Variants in TCF7L2 observed in about 807,000 individuals in gnomAD.
The protein encoded by TCF7L2 is transcription factor 7-like 2.
Under a neutral mutation model 77.9 loss-of-function variants are expected in TCF7L2, and 23 were observed. The ratio of observed to expected loss-of-function variants is 0.30; its 90% CI spans 0.21 to 0.42. The LOEUF (loss-of-function observed/expected upper bound fraction) is 0.42. TCF7L2 is among the 10% of genes least tolerant of loss of function. The pLI is 1.00. For synonymous variants in TCF7L2, 413 were observed against 340.2 expected (o/e 1.21, Z -2.36); for missense variants, 654 against 793.1 (o/e 0.82, Z 2.11).
chr10:113,008,368 C>T (rs1290666232), intron 4 of TCF7L2, among the ~76,000 whole-genome samples: 1 of 152,162 alleles, frequency 6.6e-6, no homozygotes, highest in African/African-American at 2.4e-5. Flanking sequence ...CTCTCAGTGC[C>T]CCCAGATACA....
intron 5 of TCF7L2, among the ~76,000 whole-genome samples, chr10:113,057,724 C>T (rs1040612656): frequency 6.6e-6 from 1 of 152,152 alleles, no homozygotes; most frequent in African/African-American, 2.4e-5. Context: ...TTCCATTTTA[C>T]GGATGAAGAG....
At chr10:113,154,355 C>G (rs2071398982) in intron 11 of TCF7L2, among the ~76,000 whole-genome samples, 1 of 152,182 alleles carries the variant, frequency 6.6e-6, no homozygotes, top group Non-Finnish European at 1.5e-5. Context: ...GAGCTTCTAC[C>G]TGCTACAGAC....
chr10:113,089,611 C>A, intron 5 of TCF7L2: 1 of 1,572,542 alleles, frequency 6.4e-7, no homozygotes, highest in Non-Finnish European at 8.6e-7. Context: ...CCAAAGTTTA[C>A]CTCTCTCTAG....
intron 11 of TCF7L2, 147 bp downstream of exon 11, chr10:113,152,587 G>A (rs1433824960): frequency 1.6e-6 from 1 of 634,230 alleles, no homozygotes; most frequent in Non-Finnish European, 2.7e-6. Flanking sequence ...GCATCTTCCT[G>A]GATCGCTAAA....
intron 4 of TCF7L2, among the ~76,000 whole-genome samples, chr10:113,031,155 T>C (rs958779122): frequency 5.3e-5 from 8 of 152,242 alleles, no homozygotes. Context: ...TCACTTAGTT[T>C]TCTGTGCCTC....
At position 113,014,454 on chromosome 10, in the gene TCF7L2, T is replaced by C. The variant is rs1385168178; in HGVS notation, c.451-25571T>C. On this transcript the variant is annotated intron_variant, in intron 4 of 13. Transcript: ENST00000627217. ...TTGGGAGCTTTATTGGTTGATTATG[T>C]CAATGTGAGAATTCAGGAAGCCCAG... Among the ~76,000 whole-genome samples, 46 of 152,172 alleles carry C rather than the reference T, an allele frequency of 3.0e-4. 2 individuals carry two copies. Among genetic ancestry groups the C allele is most frequent in the Non-Finnish European group, 7.3e-5 (5 of 68,040 alleles).
intron 5 of TCF7L2, among the ~76,000 whole-genome samples, chr10:113,070,772 A>G (rs2057896639): frequency 6.6e-6 from 1 of 152,216 alleles, no homozygotes; most frequent in South Asian, 2.1e-4. Flanking sequence ...TTAAAAAATT[A>G]TACAGTTATT....
chr10:113,118,243 T>C (rs1017954001), intron 5 of TCF7L2, among the ~76,000 whole-genome samples: 30 of 152,238 alleles, frequency 2.0e-4, no homozygotes, highest in Non-Finnish European at 2.1e-4. Flanking sequence ...GTGAAGCACA[T>C]TGGGCAGATG....
At chr10:112,959,097 G>A (rs2034416232) in intron 3 of TCF7L2, among the ~76,000 whole-genome samples, 2 of 151,840 alleles carry the variant, frequency 1.3e-5, no homozygotes. Context: ...TTTTGACGTT[G>A]AAAGAAAATC....
intron 5 of TCF7L2, among the ~76,000 whole-genome samples, chr10:113,050,666 C>T (rs1044487703): frequency 2.0e-5 from 3 of 152,126 alleles, no homozygotes; most frequent in African/African-American, 7.2e-5. Context: ...GTAGCAGCCC[C>T]CTTCAGCCAA....
intron 5 of TCF7L2, among the ~76,000 whole-genome samples, chr10:113,084,899 C>G (rs1482767347): frequency 6.7e-6 from 1 of 149,284 alleles, no homozygotes; most frequent in East Asian, 2.0e-4. Flanking sequence ...CTGTCTCAAG[C>G]CACCCCCCCC....
At chr10:113,069,292 C>T (rs952741766) in intron 5 of TCF7L2, among the ~76,000 whole-genome samples, 2 of 151,516 alleles carry the variant, frequency 1.3e-5, no homozygotes, top group African/African-American at 4.9e-5. Flanking sequence ...TGCCGTGGTG[C>T]AATCTCAGCT....
chr10:112,984,006 G>A (rs1016544003), intron 4 of TCF7L2, among the ~76,000 whole-genome samples: 6 of 152,166 alleles, frequency 3.9e-5, no homozygotes, highest in South Asian at 2.1e-4. Flanking sequence ...GAAAACAACC[G>A]TTGTTTTCTT....
At chr10:113,012,780 G>T (rs1002539455) in intron 4 of TCF7L2, among the ~76,000 whole-genome samples, 4 of 151,996 alleles carry the variant, frequency 2.6e-5, no homozygotes, top group Admixed American at 1.3e-4. Flanking sequence ...CATATTTTGG[G>T]GTTATCTTAA....
At chr10:113,036,595 A>G (rs1156738018) in intron 4 of TCF7L2, among the ~76,000 whole-genome samples, 1 of 152,182 alleles carries the variant, frequency 6.6e-6, no homozygotes, top group Admixed American at 6.5e-5. Flanking sequence ...TGATTTGGGG[A>G]AAAACCCTAA....
At chr10:112,981,811 G>C (rs564259579) in intron 4 of TCF7L2, among the ~76,000 whole-genome samples, 56 of 152,306 alleles carry the variant, frequency 3.7e-4, no homozygotes, top group Non-Finnish European at 6.5e-4. Flanking sequence ...GTCATGGTTT[G>C]TGGTTTCCTT....
chr10:113,123,455 C>T (rs1191306613), intron 5 of TCF7L2, among the ~76,000 whole-genome samples: 2 of 152,192 alleles, frequency 1.3e-5, no homozygotes, highest in Non-Finnish European at 2.9e-5. Flanking sequence ...TGTGTTTACA[C>T]ATGTCTGAGT....
intron 3 of TCF7L2, among the ~76,000 whole-genome samples, chr10:112,955,238 A>G (rs912335518): frequency 3.3e-5 from 5 of 152,202 alleles, no homozygotes; most frequent in Non-Finnish European, 7.3e-5. Flanking sequence ...TATCGCCCTG[A>G]AAAAGAACAG....
rs192840982 is a variant in TCF7L2, at chr10:112,983,440, A to G, written c.450+18816A>G. Among the ~76,000 whole-genome samples the G allele has an allele frequency of 3.0e-3, 459 of 152,186 alleles. 3 individuals carry two copies. Among genetic ancestry groups the G allele is most frequent in the African/African-American group, 0.01 (430 of 41,528 alleles). ...CAGTGAGCCGAGATCGCGCCACTGCACTCCAGCCTGGGCGACAGAGCGAGA... is the reference window on the plus strand; with the variant it reads ...CAGTGAGCCGAGATCGCGCCACTGCGCTCCAGCCTGGGCGACAGAGCGAGA... On this transcript the variant is annotated intron_variant, in intron 4 of 13. Transcript: ENST00000627217.
Sources: gnomAD v4.1 joint callset for allele counts (sites outside exome capture counted in the v4.1 genomes callset) on GRCh38, gnomAD v4.1.1 for gene constraint, MANE v1.5 for transcripts, NCBI Gene and HGNC (gene_info 2026-07-23, HGNC 2026-07-21) for gene names.